Variants in RARB observed in about 807,000 individuals in gnomAD.
RARB encodes the protein retinoic acid receptor beta.
RARB carries 17 observed loss-of-function variants against 51.9 expected under a neutral mutation model. That is an observed-to-expected ratio of 0.33 (90% confidence interval 0.22 to 0.49). The LOEUF (loss-of-function observed/expected upper bound fraction) is 0.49, where lower values mean the gene tolerates loss of function less well. RARB is among the 20% of genes least tolerant of loss of function. The pLI, the probability that RARB is intolerant of heterozygous loss-of-function variation, is 0.99. For missense variants in RARB, 369 were observed against 550.8 expected (o/e 0.67, Z 3.30); for synonymous variants, 215 against 195.4 (o/e 1.10, Z -0.84).
chr3:25,221,460 G>C (rs568262932), intron 5 of RARB, among the ~76,000 whole-genome samples: 2 of 152,194 alleles, frequency 1.3e-5, no homozygotes, highest in East Asian at 3.9e-4. Context: ...TAATAATCGT[G>C]GTAGTGATTA....
intron 5 of RARB, among the ~76,000 whole-genome samples, chr3:25,357,524 C>G (rs1340555510): frequency 6.6e-6 from 1 of 152,212 alleles, no homozygotes; most frequent in Non-Finnish European, 1.5e-5. Context: ...AATTAGATCT[C>G]ATTTGTCAAT....
chr3:24,997,782 A>C (rs996143800), intron 2 of RARB, among the ~76,000 whole-genome samples: 3 of 152,168 alleles, frequency 2.0e-5, no homozygotes, highest in African/African-American at 7.2e-5. Flanking sequence ...AAATTTTTTA[A>C]ATTCACTGTA....
intron 3 of RARB, among the ~76,000 whole-genome samples, chr3:25,102,279 A>C (rs1011957497): frequency 1.4e-4 from 22 of 152,054 alleles, no homozygotes; most frequent in African/African-American, 5.1e-4. Flanking sequence ...TGTGGCTCAC[A>C]CCTGTAATCC....
chr3:25,468,666 T>C (rs894342358), intron 2 of RARB, among the ~76,000 whole-genome samples: 3 of 152,004 alleles, frequency 2.0e-5, no homozygotes, highest in Non-Finnish European at 4.4e-5. Flanking sequence ...AACTAACAGA[T>C]AGGGGCATAT....
At chr3:25,087,645 T>C (rs1189244978) in intron 3 of RARB, among the ~76,000 whole-genome samples, 3 of 152,110 alleles carry the variant, frequency 2.0e-5, no homozygotes, top group African/African-American at 7.2e-5. Flanking sequence ...AAAAGCTCAG[T>C]AGTGTTATAA....
chr3:25,248,830 A>G (rs1427733711), intron 5 of RARB, among the ~76,000 whole-genome samples: 1 of 152,136 alleles, frequency 6.6e-6, no homozygotes, highest in African/African-American at 2.4e-5. Context: ...GTTCCCTTAT[A>G]AGTCATTAGA....
intron 3 of RARB, among the ~76,000 whole-genome samples, chr3:25,531,713 A>G (rs959850824): frequency 4.1e-4 from 56 of 137,936 alleles, no homozygotes; most frequent in African/African-American, 1.7e-3. Flanking sequence ...AGAAAAAGAT[A>G]TAGACACTTT....
Position 25,125,870 on chromosome 3 carries a change from C to T in RARB, c.-327-6291C>T, listed in dbSNP as rs142132257. Among the ~76,000 whole-genome samples the T allele has an allele frequency of 5.9e-3, 895 of 152,250 alleles. 3 individuals carry two copies. Among genetic ancestry groups the T allele is most frequent in the Non-Finnish European group, 1.0e-2 (677 of 68,012 alleles). On this transcript the variant is annotated intron_variant, in intron 3 of 11. Coordinates refer to the RARB transcript ENST00000383772. The stretch of plus-strand genomic sequence containing the variant: ...ATATCAGCACCACTGCTCTGGAAAA[C>T]ATCTTGATTTGGTTTTTAAACAGCT...
At chr3:24,886,372 T>C (rs1405208904) in intron 2 of RARB, among the ~76,000 whole-genome samples, 1 of 152,022 alleles carries the variant, frequency 6.6e-6, no homozygotes, top group Admixed American at 6.6e-5. Context: ...TAATCCTTAA[T>C]TGAAAAGAGG....
At chr3:25,085,355 T>C (rs990354286) in intron 3 of RARB, among the ~76,000 whole-genome samples, 1 of 152,178 alleles carries the variant, frequency 6.6e-6, no homozygotes, top group Non-Finnish European at 1.5e-5. Context: ...ATAGTGGATA[T>C]ACTTTTATTT....
chr3:25,426,962 T>C (rs139006617), upstream of RARB, among the ~76,000 whole-genome samples: 1 of 152,230 alleles, frequency 6.6e-6, no homozygotes, highest in East Asian at 1.9e-4. Context: ...AAAATTACTG[T>C]ATTTTAATAA....
intron 3 of RARB, among the ~76,000 whole-genome samples, chr3:25,534,516 C>T (rs1275769017): frequency 1.3e-5 from 2 of 152,182 alleles, no homozygotes; most frequent in Admixed American, 6.5e-5. Context: ...TTCTCCCGCT[C>T]TTCCTGCTTT....
At chr3:25,167,521 C>T (rs576480390) in intron 4 of RARB, among the ~76,000 whole-genome samples, 4 of 152,226 alleles carry the variant, frequency 2.6e-5, no homozygotes, top group African/African-American at 7.2e-5. Flanking sequence ...GAATCTTGGC[C>T]AGTCCCAGAG....
chr3:25,325,019 A>C lies in RARB; in HGVS notation c.179-136174A>C, dbSNP rs80298834. On this transcript the variant is annotated intron_variant, in intron 5 of 11. Coordinates refer to the RARB transcript ENST00000383772. ...AGTTTATTAGGAAGTGAAGAAACAA[A>C]AGAATGGCTACTCCATAGGCAGAGC... Among the ~76,000 whole-genome samples the C allele has an allele frequency of 5.3e-4, 81 of 152,320 alleles. No individual in the cohort carries two copies. The East Asian group carries it at 0.015, about 28-fold the overall frequency.
chr3:24,978,130 A>G (rs1575101810), intron 2 of RARB, among the ~76,000 whole-genome samples: 1 of 152,198 alleles, frequency 6.6e-6, no homozygotes, highest in Middle Eastern at 3.4e-3. Flanking sequence ...AAACTTTTTG[A>G]TGTGCTGCTG....
chr3:25,172,182 G>T (rs183986040), intron 4 of RARB, among the ~76,000 whole-genome samples: 48 of 152,300 alleles, frequency 3.2e-4, no homozygotes, highest in African/African-American at 1.1e-3. Flanking sequence ...TCAAGGCCCT[G>T]GGGCAGATGT....
At chr3:25,185,978 T>A (rs1461962725) in intron 5 of RARB, among the ~76,000 whole-genome samples, 2 of 152,116 alleles carry the variant, frequency 1.3e-5, no homozygotes, top group East Asian at 3.9e-4. Flanking sequence ...CAGAGTTGTA[T>A]GTCCAGTATT....
At chr3:25,448,602 G>A (rs1709053833) in intron 1 of RARB, among the ~76,000 whole-genome samples, 2 of 151,968 alleles carry the variant, frequency 1.3e-5, no homozygotes, top group African/African-American at 4.8e-5. Context: ...CGAGTAGCTG[G>A]GATTGCAGGC....
rs182924035 is a variant in RARB at position 25,471,586 on chromosome 3, G to A, written c.306+10245G>A. 9.9e-4 allele frequency among the ~76,000 whole-genome samples: 139 copies of A among 140,556 alleles called. 1 individual carries two copies. Among genetic ancestry groups the A allele is most frequent in the Admixed American group, 2.2e-3 (30 of 13,780 alleles). 92.2% of individuals were successfully genotyped at this position (140,556 alleles called of 152,430 possible). ...GGGGGAGTGAATTCTGAATTAGCCC[G>A]CAACTCTGCGTGTTTTTTTTTTTTC... On this transcript the variant is annotated intron_variant, in intron 2 of 7. Transcript: ENST00000330688.
Sources: gnomAD v4.1 joint callset for allele counts (sites outside exome capture counted in the v4.1 genomes callset) on GRCh38, gnomAD v4.1.1 for gene constraint, MANE v1.5 for transcripts, NCBI Gene and HGNC (gene_info 2026-07-23, HGNC 2026-07-21) for gene names.